SLC10A7: variants seen among roughly 807,000 people sequenced by gnomAD.
SLC10A7 encodes the protein solute carrier family 10 member 7, also known as sodium/bile acid cotransporter 7.
Under a neutral mutation model 43.2 loss-of-function variants are expected in SLC10A7, and 29 were observed. The ratio of observed to expected loss-of-function variants is 0.67; its 90% CI spans 0.50 to 0.92. SLC10A7 has a LOEUF of 0.92. Ranked by LOEUF, SLC10A7 falls within the 40% of genes least tolerant of loss-of-function variation. SLC10A7 has a pLI of 0.00. For synonymous variants in SLC10A7, 152 were observed against 144.8 expected, an observed-to-expected ratio of 1.05 and a Z score of -0.35; for missense variants, 295 against 403.2, an observed-to-expected ratio of 0.73 and a Z score of 2.30.
intron 4 of SLC10A7, among the ~76,000 whole-genome samples, chr4:146,453,384 C>A (rs1731768648): frequency 6.6e-6 from 1 of 151,954 alleles, no homozygotes; most frequent in Non-Finnish European, 1.5e-5. Flanking sequence ...AGAGAGAGCA[C>A]ATAAGCAGGA....
intron 5 of SLC10A7, among the ~76,000 whole-genome samples, chr4:146,337,454 A>G (rs1015765080): frequency 8.6e-5 from 13 of 152,002 alleles, no homozygotes; most frequent in African/African-American, 3.1e-4. Flanking sequence ...AAATGTCAAG[A>G]GGATCATTTC....
At chr4:146,430,598 C>T (rs1046635821) in intron 5 of SLC10A7, among the ~76,000 whole-genome samples, 4 of 152,042 alleles carry the variant, frequency 2.6e-5, no homozygotes, top group Non-Finnish European at 5.9e-5. Flanking sequence ...TAAGGTAAAA[C>T]TATAAACACG....
At chr4:146,477,989 G>T (rs991900410) in intron 4 of SLC10A7, 4 of 152,048 alleles carry the variant, frequency 2.6e-5, no homozygotes, top group Non-Finnish European at 5.9e-5. Context: ...CTCTTTTTTG[G>T]TGTGTGCACT....
Position 146,279,371 on chromosome 4 carries a change from A to G in SLC10A7, c.847+3821T>C, listed in dbSNP as rs182312178. ...AAAAGATAAATAAGATGGTAGTAAAATGCCAATTCTACAGGATATCTTGGA... is the reference window on the plus strand; with the variant it reads ...AAAAGATAAATAAGATGGTAGTAAAGTGCCAATTCTACAGGATATCTTGGA... On this transcript the variant is annotated intron_variant, in intron 10 of 11. Coordinates refer to ENST00000335472, the MANE Select transcript of SLC10A7 (RefSeq NM_001029998.6). 8.5e-5 allele frequency among the ~76,000 whole-genome samples: 13 copies of G among 152,312 alleles called. No individual in the cohort carries two copies. The East Asian group carries it at 2.5e-3, about 29-fold the overall frequency.
At chr4:146,433,087 T>C (rs559860095) in intron 5 of SLC10A7, among the ~76,000 whole-genome samples, 1 of 150,776 alleles carries the variant, frequency 6.6e-6, no homozygotes, top group Non-Finnish European at 1.5e-5. Context: ...CTCACCCATA[T>C]ACACACAAAA....
intron 6 of SLC10A7, among the ~76,000 whole-genome samples, chr4:146,318,656 G>A (rs1465871373): frequency 6.6e-6 from 1 of 151,960 alleles, no homozygotes. Flanking sequence ...TCTTTTTCCT[G>A]AATTCCAGAC....
chr4:146,468,925 G>C (rs1016789352), intron 4 of SLC10A7, among the ~76,000 whole-genome samples: 1 of 152,046 alleles, frequency 6.6e-6, no homozygotes, highest in Non-Finnish European at 1.5e-5. Context: ...CCATTGTTGG[G>C]GGTAGGGGGG....
chr4:146,408,953 G>A (rs1727934560), intron 5 of SLC10A7, among the ~76,000 whole-genome samples: 1 of 152,034 alleles, frequency 6.6e-6, no homozygotes, highest in Non-Finnish European at 1.5e-5. Flanking sequence ...TGTTAATCCA[G>A]CAGCTAAGTG....
intron 10 of SLC10A7, among the ~76,000 whole-genome samples, chr4:146,276,912 C>T (rs1416907123): frequency 1.3e-5 from 2 of 151,974 alleles, no homozygotes; most frequent in African/African-American, 2.4e-5. Flanking sequence ...TATGATCATG[C>T]CACCGCACTC....
intron 11 of SLC10A7, 65 bp downstream of exon 11, chr4:146,258,627 G>A (rs1728023791): frequency 1.3e-6 from 2 of 1,497,186 alleles, no homozygotes; most frequent in Admixed American, 2.5e-5. Flanking sequence ...TGTATGAACA[G>A]TTCAGATTCA....
At chr4:146,369,813 TA>T (rs1164188179) in intron 5 of SLC10A7, among the ~76,000 whole-genome samples, 1 of 152,174 alleles carries the variant, frequency 6.6e-6, no homozygotes, top group African/African-American at 2.4e-5. Context: ...AATGATACTA[TA>T]AGCATAAAAC....
chr4:146,451,457 A>G (rs1478843488), intron 4 of SLC10A7, among the ~76,000 whole-genome samples: 3 of 152,080 alleles, frequency 2.0e-5, no homozygotes, highest in Non-Finnish European at 1.5e-5. Context: ...ATCCCTGATG[A>G]ACACAGATGC....
chr4:146,492,061 C>T (rs1023345379), intron 4 of SLC10A7, among the ~76,000 whole-genome samples: 2 of 151,638 alleles, frequency 1.3e-5, no homozygotes. Context: ...ACTAAAAATA[C>T]CAAAAAAAAT....
intron 5 of SLC10A7, among the ~76,000 whole-genome samples, chr4:146,377,644 G>A (rs1447578850): frequency 6.6e-6 from 1 of 152,148 alleles, no homozygotes; most frequent in Non-Finnish European, 1.5e-5. Flanking sequence ...GAACAAAAGA[G>A]TCTCCTATCA....
At chr4:146,481,915 T>C (rs1579301189) in intron 4 of SLC10A7, among the ~76,000 whole-genome samples, 2 of 152,090 alleles carry the variant, frequency 1.3e-5, no homozygotes, top group Admixed American at 6.5e-5. Flanking sequence ...CCAAATTGTA[T>C]GAAAAACAAA....
At chr4:146,315,684 C>T (rs575851170) in intron 6 of SLC10A7, among the ~76,000 whole-genome samples, 3 of 152,050 alleles carry the variant, frequency 2.0e-5, no homozygotes, top group African/African-American at 7.2e-5. Context: ...GTGCATGTAT[C>T]CTCTTTTCTC....
At chr4:146,287,216 GA>G (rs1468886508) in intron 9 of SLC10A7, among the ~76,000 whole-genome samples, 1 of 152,148 alleles carries the variant, frequency 6.6e-6, no homozygotes, top group Non-Finnish European at 1.5e-5. Context: ...GGACTGGTGA[GA>G]AGGACCGTCT....
chr4:146,503,711 T>G (rs997463364), intron 4 of SLC10A7, 138 bp downstream of exon 4: 1 of 694,520 alleles, frequency 1.4e-6, no homozygotes, highest in Non-Finnish European at 2.5e-6. Context: ...AGTATGTGAG[T>G]ACACCTCCTT....
intron 4 of SLC10A7, among the ~76,000 whole-genome samples, chr4:146,455,894 G>A (rs747068187): frequency 1.3e-5 from 2 of 151,602 alleles, no homozygotes; most frequent in African/African-American, 2.4e-5. Context: ...CTAATGTTAG[G>A]TCCCCTGAGA....
Sources: allele counts gnomAD v4.1 joint callset (sites outside exome capture counted in the v4.1 genomes callset), GRCh38; gene constraint gnomAD v4.1.1; transcripts MANE v1.5; gene names NCBI Gene and HGNC (gene_info 2026-07-23, HGNC 2026-07-21).